CDH13: variants seen among roughly 807,000 people sequenced by gnomAD.
The protein encoded by CDH13 is cadherin-13.
CDH13 carries 24 observed loss-of-function variants against 63.8 expected under a neutral mutation model. That is an observed-to-expected ratio of 0.38 (90% CI 0.27 to 0.53). The LOEUF (loss-of-function observed/expected upper bound fraction) is 0.53. Among genes scored for constraint, CDH13 ranks in the 20% least tolerant of loss-of-function variants. The pLI is 0.85. For missense variants in CDH13, 1,049 were observed against 903.1 expected, an observed-to-expected ratio of 1.16 and a Z score of -2.07; for synonymous variants, 503 against 355.3, an observed-to-expected ratio of 1.42 and a Z score of -4.67.
chr16:82,846,452 T>G (rs12149890), intron 1 of CDH13, among the ~76,000 whole-genome samples: 98,642 of 151,988 alleles, frequency 0.65, 32,541 homozygotes, highest in East Asian at 0.87. Context: ...GATTTGTGTT[T>G]ACTCATTGAC....
rs185048437 is a variant in CDH13, at chr16:82,911,740, G to T, written c.157+53267G>T. Among the ~76,000 whole-genome samples the T allele has an allele frequency of 9.8e-4, 149 of 152,164 alleles. 4 individuals carry two copies. The South Asian group carries it at 0.029, about 29-fold the overall frequency. On this transcript the variant is annotated intron_variant, in intron 2 of 13. Coordinates refer to ENST00000567109, the MANE Select transcript of CDH13 (RefSeq NM_001257.5). ...CTTCCCTTACGGCCCCTTACTCAAT[G>T]GCCATCCATTGTCTGCTGAGCCTAG...
At chr16:82,754,905 A>G (rs735922) in intron 1 of CDH13, among the ~76,000 whole-genome samples, 14,256 of 152,246 alleles carry the variant, frequency 0.094, 1,054 homozygotes, top group African/African-American at 0.21. Flanking sequence ...GTTCATTACT[A>G]GGTTTCTATA....
At chr16:82,710,465 G>T (rs1411981755) in intron 1 of CDH13, among the ~76,000 whole-genome samples, 1 of 139,624 alleles carries the variant, frequency 7.2e-6, no homozygotes, top group Non-Finnish European at 1.5e-5. Context: ...CCAGGAGGGC[G>T]GAGCTTGCAG....
chr16:83,756,145 A>G (rs902661845), intron 11 of CDH13, among the ~76,000 whole-genome samples: 2 of 152,194 alleles, frequency 1.3e-5, no homozygotes, highest in African/African-American at 4.8e-5. Flanking sequence ...AAATTAATAG[A>G]AGGAAATAGG....
intron 3 of CDH13, among the ~76,000 whole-genome samples, chr16:83,084,716 C>G (rs1281000459): frequency 2.0e-5 from 3 of 152,050 alleles, no homozygotes; most frequent in African/African-American, 7.2e-5. Flanking sequence ...TGGTGAAACC[C>G]CGCCTCTACT....
At chr16:82,664,759 T>C (rs1912387126) in intron 1 of CDH13, among the ~76,000 whole-genome samples, 1 of 152,222 alleles carries the variant, frequency 6.6e-6, no homozygotes, top group Non-Finnish European at 1.5e-5. Flanking sequence ...GGTTTTCTTC[T>C]ACCCAGTGGC....
intron 7 of CDH13, among the ~76,000 whole-genome samples, chr16:83,523,443 A>G (rs2074886311): frequency 6.6e-6 from 1 of 152,120 alleles, no homozygotes; most frequent in Non-Finnish European, 1.5e-5. Context: ...GTCTTGTCAT[A>G]TGTACCCTAC....
intron 1 of CDH13, among the ~76,000 whole-genome samples, chr16:82,813,532 G>A (rs2037553363): frequency 6.6e-6 from 1 of 152,146 alleles, no homozygotes; most frequent in South Asian, 2.1e-4. Context: ...TGTAGATAGT[G>A]CTATGAGCTA....
intron 6 of CDH13, among the ~76,000 whole-genome samples, chr16:83,473,779 C>T (rs1168520812): frequency 6.6e-6 from 1 of 152,132 alleles, no homozygotes; most frequent in Non-Finnish European, 1.5e-5. Flanking sequence ...ACCACACTTC[C>T]TGGGTTTGCC....
rs1214314601 is a variant in CDH13, at chr16:82,640,980, A to T, written c.45+13843A>T. On this transcript the variant is annotated intron_variant, in intron 1 of 13. Transcript: ENST00000567109. The stretch of plus-strand genomic sequence containing the variant: ...GACACAGAATTGGGTTCAGGGGGTT[A>T]AGTTGGTAAATGATCTCAAGGTCCA... Among the ~76,000 whole-genome samples the T allele has an allele frequency of 2.0e-5, 3 of 152,190 alleles. No individual in the cohort carries two copies. In the East Asian group the frequency reaches 5.8e-4, roughly 29 times the overall value.
intron 1 of CDH13, among the ~76,000 whole-genome samples, chr16:82,695,526 G>A (rs2030176437): frequency 6.6e-6 from 1 of 152,108 alleles, no homozygotes; most frequent in South Asian, 2.1e-4. Context: ...CCTTAGCTTT[G>A]GTGTGTGCTG....
chr16:83,071,164 A>T (rs994681365), intron 3 of CDH13, among the ~76,000 whole-genome samples: 1 of 152,300 alleles, frequency 6.6e-6, no homozygotes, highest in East Asian at 1.9e-4. Context: ...CATTCTGAAC[A>T]TTCTCAGAAA....
chr16:83,031,374 G>T (rs965378392), intron 2 of CDH13, among the ~76,000 whole-genome samples: 3 of 69,196 alleles, frequency 4.3e-5, no homozygotes, highest in Admixed American at 4.0e-4. Context: ...ACATGTATAT[G>T]TATACACGTA....
At chr16:82,640,097 A>T (rs1177601518) in intron 1 of CDH13, among the ~76,000 whole-genome samples, 3 of 152,254 alleles carry the variant, frequency 2.0e-5, no homozygotes, top group Non-Finnish European at 4.4e-5. Context: ...GAAACAAGAA[A>T]AATAAATAAA....
At chr16:82,710,245 ATATT>A (rs984117452) in intron 1 of CDH13, among the ~76,000 whole-genome samples, 10 of 146,448 alleles carry the variant, frequency 6.8e-5, no homozygotes, top group Non-Finnish European at 1.5e-4. Flanking sequence ...ATATATAAAT[ATATT>A]TATATAAAAT....
chr16:83,581,187 G>C (rs1207320530), intron 7 of CDH13, among the ~76,000 whole-genome samples: 1 of 152,254 alleles, frequency 6.6e-6, no homozygotes, highest in Non-Finnish European at 1.5e-5. Flanking sequence ...ACAAATGCAC[G>C]TGGGCATTTG....
intron 5 of CDH13, among the ~76,000 whole-genome samples, chr16:83,282,015 A>G (rs7201465): frequency 0.16 from 24,007 of 152,058 alleles, 1,903 homozygotes; most frequent in Admixed American, 0.2. Context: ...ACACTTAGAG[A>G]CCATTGTAGT....
At chr16:82,922,581 G>C (rs1056523883) in intron 2 of CDH13, among the ~76,000 whole-genome samples, 10 of 152,276 alleles carry the variant, frequency 6.6e-5, no homozygotes, top group African/African-American at 2.4e-4. Flanking sequence ...GCTATAACAG[G>C]TATGCCTTCA....
chr16:83,172,544 A>C (rs1015109345), intron 4 of CDH13, among the ~76,000 whole-genome samples: 1 of 151,910 alleles, frequency 6.6e-6, no homozygotes, highest in Non-Finnish European at 1.5e-5. Flanking sequence ...AGGATGATAC[A>C]TCTATAAGCC....
Sources: allele counts gnomAD v4.1 joint callset (sites outside exome capture counted in the v4.1 genomes callset), GRCh38; gene constraint gnomAD v4.1.1; transcripts MANE v1.5; gene names NCBI Gene and HGNC (gene_info 2026-07-23, HGNC 2026-07-21).